The following GRIA4 variants were observed in gnomAD, a reference collection of about 807,000 sequenced individuals.
GRIA4 encodes the protein glutamate receptor 4.
In GRIA4, 34 loss-of-function variants were observed where a neutral mutation model predicts 104.0. The ratio of observed to expected loss-of-function variants is 0.33; its 90% CI spans 0.25 to 0.44. The LOEUF (loss-of-function observed/expected upper bound fraction) is 0.44, where lower values mean the gene tolerates loss of function less well. Among genes scored for constraint, GRIA4 ranks in the 20% least tolerant of loss-of-function variants. GRIA4 has a pLI of 1.00. For missense variants in GRIA4, 750 were observed against 1,096.5 expected, an observed-to-expected ratio of 0.68 and a Z score of 4.46; for synonymous variants, 386 against 381.9, an observed-to-expected ratio of 1.01 and a Z score of -0.13.
At chr11:105,737,596 T>A (rs1939035825) in intron 3 of GRIA4, among the ~76,000 whole-genome samples, 1 of 152,188 alleles carries the variant, frequency 6.6e-6, no homozygotes, top group Admixed American at 6.6e-5. Flanking sequence ...CTTTAAGAAG[T>A]GGCTTCTTAA....
At chr11:105,732,323 G>A (rs1406745954) in intron 3 of GRIA4, among the ~76,000 whole-genome samples, 1 of 152,134 alleles carries the variant, frequency 6.6e-6, no homozygotes, top group African/African-American at 2.4e-5. Context: ...CTATAGAAGT[G>A]CCCAGCGTTG....
chr11:105,879,401 A>G (rs1945963724), intron 5 of GRIA4, among the ~76,000 whole-genome samples: 2 of 152,202 alleles, frequency 1.3e-5, no homozygotes, highest in Admixed American at 6.5e-5. Context: ...TTGTACATAA[A>G]TAAAATTACC....
chr11:105,647,744 G>A (rs1403924130), intron 3 of GRIA4, among the ~76,000 whole-genome samples: 1 of 152,134 alleles, frequency 6.6e-6, no homozygotes, highest in Admixed American at 6.5e-5. Flanking sequence ...GCTCAATGAT[G>A]AGAGCACATG....
intron 4 of GRIA4, among the ~76,000 whole-genome samples, chr11:105,786,164 A>AAC (rs1006650175): frequency 2.0e-5 from 3 of 151,252 alleles, no homozygotes; most frequent in Non-Finnish European, 4.4e-5. Flanking sequence ...AAAAAAAAAA[A>AAC]AGGAAAGAAA....
chr11:105,916,049 T>C (rs1328942866), intron 10 of GRIA4, among the ~76,000 whole-genome samples: 1 of 150,806 alleles, frequency 6.6e-6, no homozygotes, highest in Non-Finnish European at 1.5e-5. Flanking sequence ...CCGGGAGTGG[T>C]GGTGTGCGCC....
chr11:105,720,972 G>A (rs544994270), intron 3 of GRIA4, among the ~76,000 whole-genome samples: 2 of 152,296 alleles, frequency 1.3e-5, no homozygotes, highest in South Asian at 4.1e-4. Flanking sequence ...TTGGTTCCCA[G>A]AAGTCAAGTG....
At chr11:105,664,009 G>A (rs1050223778) in intron 3 of GRIA4, among the ~76,000 whole-genome samples, 6 of 150,696 alleles carry the variant, frequency 4.0e-5, no homozygotes, top group African/African-American at 1.5e-4. Flanking sequence ...TTGCAGGGTT[G>A]TCAGGAAGAT....
intron 5 of GRIA4, among the ~76,000 whole-genome samples, chr11:105,881,279 G>T (rs1297133102): frequency 6.6e-6 from 1 of 152,158 alleles, no homozygotes; most frequent in Non-Finnish European, 1.5e-5. Context: ...TAATGCTCTG[G>T]CACTTCTAAA....
chr11:105,784,354 C>T (rs1050653457), intron 4 of GRIA4, among the ~76,000 whole-genome samples: 1 of 152,182 alleles, frequency 6.6e-6, no homozygotes, highest in Non-Finnish European at 1.5e-5. Flanking sequence ...AATCCCTCAT[C>T]ATTTCTGTAA....
At chr11:105,642,537 G>GAAAAAAAAAAAA (rs34987277) in intron 3 of GRIA4, among the ~76,000 whole-genome samples, 1 of 72,448 alleles carries the variant, frequency 1.4e-5, no homozygotes, top group Non-Finnish European at 2.4e-5. Context: ...CAATTTTAAT[G>GAAAAAAAAAAAA]AAAAAAAAAA....
At chr11:105,774,646 A>G (rs183051910) in intron 4 of GRIA4, among the ~76,000 whole-genome samples, 1 of 152,250 alleles carries the variant, frequency 6.6e-6, no homozygotes, top group Non-Finnish European at 1.5e-5. Context: ...TAAAATAAAA[A>G]TATTCAACTC....
intron 3 of GRIA4, among the ~76,000 whole-genome samples, chr11:105,721,863 T>C (rs1937846699): frequency 6.6e-6 from 1 of 152,142 alleles, no homozygotes; most frequent in Admixed American, 6.6e-5. Context: ...CTGTTTGCTT[T>C]TTGTAGAAAA....
At position 105,652,686 on chromosome 11, in the gene GRIA4, A is replaced by G. The variant is rs73627612; in HGVS notation, c.247+40252A>G. Reference sequence around the variant, plus strand: ...TTTTATGACTCATGCTGATTCATACATGTATTCAGGGTGTTAATCAATCAA... The same window carrying G: ...TTTTATGACTCATGCTGATTCATACGTGTATTCAGGGTGTTAATCAATCAA... On this transcript the variant is annotated intron_variant, in intron 3 of 16. Coordinates refer to ENST00000282499, the MANE Select transcript of GRIA4 (RefSeq NM_000829.4). Among the ~76,000 whole-genome samples, 741 of 152,138 alleles carry G rather than the reference A, an allele frequency of 4.9e-3. 9 individuals carry two copies. Among genetic ancestry groups the G allele is most frequent in the African/African-American group, 0.017 (697 of 41,500 alleles).
intron 4 of GRIA4, among the ~76,000 whole-genome samples, chr11:105,771,368 G>A (rs1169012120): frequency 6.6e-6 from 1 of 151,988 alleles, no homozygotes; most frequent in Non-Finnish European, 1.5e-5. Flanking sequence ...GTAGACATAA[G>A]TATTCTCTAT....
rs192632913 is a variant in GRIA4 at position 105,910,505 on chromosome 11, C to A, written c.1229C>A (p.Ala410Asp). The change falls in exon 10 of 17, where the codon GCT becomes GAT. Residue 410 changes from alanine to aspartate, a missense_variant. This residue lies in a region of GRIA4 where 410 missense variants were observed against 502.7 expected (regional missense o/e 0.82). Coordinates refer to ENST00000282499, the MANE Select transcript of GRIA4 (RefSeq NM_000829.4). ...GTACCAACTCTTGGCAATGACACAGCTGCTATTGAGAACAGAACAGTGGTT... is the reference window on the plus strand; with the variant it reads ...GTACCAACTCTTGGCAATGACACAGATGCTATTGAGAACAGAACAGTGGTT... Reference protein sequence around the residue: ...QDVPTLGNDTAAIENRTVVVT... With the variant: ...QDVPTLGNDTDAIENRTVVVT... 6.3e-7 allele frequency: 1 copy of A among 1,593,364 alleles called. No individual in the cohort carries two copies. Among genetic ancestry groups the A allele is most frequent in the Admixed American group, 1.7e-5 (1 of 59,902 alleles).
intron 3 of GRIA4, among the ~76,000 whole-genome samples, chr11:105,631,455 T>C (rs963570091): frequency 2.6e-5 from 4 of 152,200 alleles, no homozygotes; most frequent in Non-Finnish European, 5.9e-5. Flanking sequence ...ACAAAATCCT[T>C]TGGCAGCCCC....
chr11:105,689,257 G>T (rs1312903035), intron 3 of GRIA4, among the ~76,000 whole-genome samples: 3 of 152,182 alleles, frequency 2.0e-5, no homozygotes, highest in Non-Finnish European at 4.4e-5. Flanking sequence ...AAGTGTATTA[G>T]AGCAGGGGAC....
At chr11:105,880,189 C>A (rs901493487) in intron 5 of GRIA4, among the ~76,000 whole-genome samples, 1 of 152,156 alleles carries the variant, frequency 6.6e-6, no homozygotes, top group Non-Finnish European at 1.5e-5. Flanking sequence ...ATCATTTACA[C>A]CTCTTTGCAA....
chr11:105,958,050 T>C (rs1034194215), intron 14 of GRIA4, among the ~76,000 whole-genome samples: 2 of 152,216 alleles, frequency 1.3e-5, no homozygotes, highest in African/African-American at 2.4e-5. Context: ...AATCATGTCA[T>C]CTGCAAACAG....
Sources: allele counts gnomAD v4.1 joint callset (sites outside exome capture counted in the v4.1 genomes callset), GRCh38; gene constraint gnomAD v4.1.1; regional missense constraint gnomAD v4.1.1; transcripts MANE v1.5; gene names NCBI Gene and HGNC (gene_info 2026-07-23, HGNC 2026-07-21).